PAQR3: variants seen among roughly 807,000 people sequenced by gnomAD.
PAQR3 encodes progestin and adipoQ receptor family member 3, also known as Raf kinase trapping to Golgi.
Under a neutral mutation model 41.7 loss-of-function variants are expected in PAQR3, and 39 were observed. The ratio of observed to expected loss-of-function variants is 0.93; its 90% CI spans 0.72 to 1.22. The LOEUF is 1.22. PAQR3 is among the 50% of genes most tolerant of loss of function. PAQR3 has a pLI of 0.00. For missense variants in PAQR3, 366 were observed against 385.6 expected (o/e 0.95, Z 0.42); for synonymous variants, 140 against 140.6 (o/e 1.00, Z 0.03).
rs190342308 is a variant in PAQR3 at position 78,930,139 on chromosome 4, G to C, written c.504+31C>G. The C allele has an allele frequency of 5.5e-4, 871 of 1,571,498 alleles. 2 individuals carry two copies. The African/African-American group carries it at 0.011, about 20-fold the overall frequency. On this transcript the variant is annotated intron_variant, in intron 3 of 5. Transcript: ENST00000512733. ...AAGAAAACCCAAGACCAATATGAAA[G>C]GTCGAATGTAAAATGTTTTCATCTA...
At chr4:78,911,052 A>G, downstream of PAQR3, 1 of 1,613,626 alleles carries the variant, frequency 6.2e-7, no homozygotes, top group Non-Finnish European at 8.5e-7. Flanking sequence ...TTAATACAAT[A>G]CTCCTCACCT....
intron 2 of PAQR3, chr4:78,930,558 G>A (rs1051013556): frequency 4.7e-5 from 15 of 320,092 alleles, no homozygotes; most frequent in African/African-American, 3.2e-4. Flanking sequence ...TAATAATAAT[G>A]AAGGAGAAAA....
Position 78,939,174 on chromosome 4 carries a change from G to C in PAQR3, c.51C>G (p.Tyr17Ter). Residue 17 changes from tyrosine to a stop codon, truncating the protein, a stop_gained, in exon 1 of 6, where the codon TAC (tyrosine) becomes TAG (stop). Coordinates refer to ENST00000512733, the MANE Select transcript of PAQR3 (RefSeq NM_001040202.2). LOFTEE classifies it high-confidence loss of function. The stretch of plus-strand genomic sequence containing the variant: ...GGGGCACCAGGACCGGCCAGTACTG[G>C]TAGCTGCCCAGCTCGATGTAATGCG... ...KSAHYIELGS[Y>*]QYWPVLVPRG... 3 of 1,611,940 alleles carry C rather than the reference G, an allele frequency of 1.9e-6. No individual in the cohort carries two copies. The highest frequency in any genetic ancestry group is 4.5e-5 in the East Asian group (2 of 44,510).
At chr4:78,921,351 G>T (rs1735640218) in intron 5 of PAQR3, among the ~76,000 whole-genome samples, 2 of 151,906 alleles carry the variant, frequency 1.3e-5, no homozygotes, top group South Asian at 4.2e-4. Context: ...ATAAAATACA[G>T]AGCTATAATA....
chr4:78,935,097 A>G (rs887950022), intron 2 of PAQR3, 24 bp downstream of exon 2: 18 of 1,608,878 alleles, frequency 1.1e-5, no homozygotes, highest in Middle Eastern at 3.3e-4. Flanking sequence ...CTTTACCAAC[A>G]GCAGTATTTG....
Position 78,916,406 on chromosome 4 carries a change from C to G in PAQR3, c.*4133G>C, listed in dbSNP as rs1216154889. On this transcript the variant is annotated 3_prime_UTR_variant, in exon 6 of 6. Coordinates refer to ENST00000512733, the MANE Select transcript of PAQR3 (RefSeq NM_001040202.2). ...TTTTTCATTATTTGTCTTATTATGA[C>G]TTTTGGATGTAAACTTCTATTCAAA... is the stretch of plus-strand genomic sequence containing the variant. 6.6e-6 allele frequency: 1 copy of G among 151,816 alleles called. No individual in the cohort carries two copies. The highest frequency in any genetic ancestry group is 6.6e-5 in the Admixed American group (1 of 15,188). 9.4% of individuals were successfully genotyped at this position (151,816 alleles called of 1,614,324 possible). A position where few individuals can be genotyped will look rare whatever the true frequency, so the allele number is the denominator to read the frequency against.
downstream of PAQR3, among the ~76,000 whole-genome samples, chr4:78,909,520 G>C (rs28410307): frequency 0.14 from 21,864 of 151,988 alleles, 2,917 homozygotes; most frequent in African/African-American, 0.35. Context: ...CTTACCTCAT[G>C]TTGTACCTGA....
Position 78,914,030 on chromosome 4 carries a change from A to G in PAQR3, c.*6509T>C, listed in dbSNP as rs1473849158. 6.6e-6 allele frequency: 1 copy of G among 152,066 alleles called. No homozygotes were observed. The highest frequency in any genetic ancestry group is 2.4e-5 in the African/African-American group (1 of 41,434). 9.4% of individuals were successfully genotyped at this position (152,066 alleles called of 1,614,324 possible). A position where few individuals can be genotyped will look rare whatever the true frequency, so the allele number is the denominator to read the frequency against. ...AAAAGTGAAGAGTTGATGATTACAC[A>G]TAGTAAATTCATGAACTACAGTAGG... On this transcript the variant is annotated 3_prime_UTR_variant, in exon 6 of 6. Transcript: ENST00000512733.
intron 1 of PAQR3, 51 bp from the exon 2 acceptor site, chr4:78,935,334 T>C: frequency 6.5e-7 from 1 of 1,549,686 alleles, no homozygotes; most frequent in Non-Finnish European, 8.8e-7. Context: ...CAACTTACTG[T>C]CACGTTCAAA....
At chr4:78,893,106 AC>A (rs1352643929) in intron 11 of PAQR3, among the ~76,000 whole-genome samples, 6 of 152,198 alleles carry the variant, frequency 3.9e-5, no homozygotes, top group Non-Finnish European at 7.3e-5. Context: ...ATTCCCTCAA[AC>A]CATACCATTG....
chr4:78,895,995 C>G (rs978558880), intron 11 of PAQR3, among the ~76,000 whole-genome samples: 1 of 152,104 alleles, frequency 6.6e-6, no homozygotes, highest in African/African-American at 2.4e-5. Flanking sequence ...TTTCTGGGTT[C>G]AAGCAATCCT....
chr4:78,904,255 A>G (rs1734171801), intron 11 of PAQR3, among the ~76,000 whole-genome samples: 1 of 151,960 alleles, frequency 6.6e-6, no homozygotes, highest in Non-Finnish European at 1.5e-5. Flanking sequence ...AAGAAAGATC[A>G]TAGTAAACCT....
chr4:78,904,548 A>T (rs570933480), intron 11 of PAQR3, among the ~76,000 whole-genome samples: 1 of 152,062 alleles, frequency 6.6e-6, no homozygotes, highest in East Asian at 1.9e-4. Context: ...TTAATAAATT[A>T]CCCAGATCTG....
At chr4:78,922,894 A>G in intron 5 of PAQR3, 1 of 456,130 alleles carries the variant, frequency 2.2e-6, no homozygotes, top group Non-Finnish European at 4.4e-6. Flanking sequence ...CTCCAGAGCT[A>G]AAGTTCTCAA....
intron 5 of PAQR3, chr4:78,922,467 A>G: frequency 3.2e-6 from 4 of 1,265,622 alleles, no homozygotes; most frequent in Non-Finnish European, 4.1e-6. Context: ...TTAGATTTAA[A>G]CTGCTCCCTG....
intron 11 of PAQR3, among the ~76,000 whole-genome samples, chr4:78,890,404 G>T (rs984630312): frequency 6.8e-6 from 1 of 147,968 alleles, no homozygotes. Flanking sequence ...ACAATCATGC[G>T]CACACACACA....
rs1735075984 is a variant in PAQR3, at chr4:78,916,407, T to G, written c.*4132A>C. 6.6e-6 allele frequency: 1 copy of G among 151,986 alleles called. No individual in the cohort carries two copies. Among genetic ancestry groups the G allele is most frequent in the Admixed American group, 6.6e-5 (1 of 15,202 alleles). 9.4% of individuals were successfully genotyped at this position (151,986 alleles called of 1,614,324 possible). Reference sequence around the variant, plus strand: ...TTTTCATTATTTGTCTTATTATGACTTTTGGATGTAAACTTCTATTCAAAT... The same window carrying G: ...TTTTCATTATTTGTCTTATTATGACGTTTGGATGTAAACTTCTATTCAAAT... On this transcript the variant is annotated 3_prime_UTR_variant, in exon 6 of 6. Coordinates refer to ENST00000512733, the MANE Select transcript of PAQR3 (RefSeq NM_001040202.2).
chr4:78,938,670 A>C (rs6534087), intron 1 of PAQR3, among the ~76,000 whole-genome samples: 116,750 of 151,792 alleles, frequency 0.77, 45,066 homozygotes, highest in Non-Finnish European at 0.81. Context: ...AAAGCTACTG[A>C]ATTCCCACAG....
In PAQR3 at chr4:78,917,878, A is replaced by T; in HGVS notation, c.*2661T>A. ...GACATTCCCTGAATCTTCGTTCCTGATTCTAAAATATGATTTTAAAGCTGT... is the reference window on the plus strand; with the variant it reads ...GACATTCCCTGAATCTTCGTTCCTGTTTCTAAAATATGATTTTAAAGCTGT... On this transcript the variant is annotated 3_prime_UTR_variant, in exon 6 of 6. Coordinates refer to ENST00000512733, the MANE Select transcript of PAQR3 (RefSeq NM_001040202.2). 1 of 985,390 alleles carries T rather than the reference A, an allele frequency of 1.0e-6. No homozygotes were observed. Among genetic ancestry groups the T allele is most frequent in the Non-Finnish European group, 1.2e-6 (1 of 829,572 alleles). 61.0% of individuals were successfully genotyped at this position (985,390 alleles called of 1,614,324 possible).
Sources: gnomAD v4.1 joint callset for allele counts (sites outside exome capture counted in the v4.1 genomes callset) on GRCh38, gnomAD v4.1.1 for gene constraint, MANE v1.5 for transcripts, NCBI Gene and HGNC (gene_info 2026-07-23, HGNC 2026-07-21) for gene names.